CARMIL1: variants seen among roughly 807,000 people sequenced by gnomAD.
CARMIL1 encodes F-actin-uncapping protein LRRC16A.
In CARMIL1, 90 loss-of-function variants were observed where a neutral mutation model predicts 177.1. The observed-to-expected ratio is 0.51, with a 90% confidence interval of 0.43 to 0.61. CARMIL1 has a LOEUF of 0.61. Among genes scored for constraint, CARMIL1 ranks in the 20% least tolerant of loss-of-function variants. The pLI, the probability that CARMIL1 is intolerant of heterozygous loss-of-function variation, is 0.00. For missense variants in CARMIL1, 1,380 were observed against 1,667.0 expected, an observed-to-expected ratio of 0.83 and a Z score of 3.00; for synonymous variants, 577 against 606.2, an observed-to-expected ratio of 0.95 and a Z score of 0.71.
intron 1 of CARMIL1, among the ~76,000 whole-genome samples, chr6:25,281,673 T>G (rs1447943392): frequency 6.6e-6 from 1 of 152,176 alleles, no homozygotes; most frequent in Non-Finnish European, 1.5e-5. Flanking sequence ...AGTGGTCAAG[T>G]TAGGCTGGGA....
chr6:25,437,063 T>C (rs1797295047), intron 5 of CARMIL1, among the ~76,000 whole-genome samples: 1 of 152,176 alleles, frequency 6.6e-6, no homozygotes, highest in Admixed American at 6.5e-5. Context: ...GGGTTCGACA[T>C]CATCCTTAAA....
intron 23 of CARMIL1, among the ~76,000 whole-genome samples, chr6:25,524,515 C>G (rs2151087185): frequency 6.6e-6 from 1 of 152,232 alleles, no homozygotes; most frequent in Admixed American, 6.5e-5. Context: ...CATATAAAAC[C>G]TCACACTAAA....
chr6:25,601,560 T>C (rs1815403999), intron 33 of CARMIL1, among the ~76,000 whole-genome samples: 1 of 152,240 alleles, frequency 6.6e-6, no homozygotes, highest in African/African-American at 2.4e-5. Context: ...CTAAAAATTA[T>C]TCTCTTTTTA....
At chr6:25,302,047 A>C (rs928878128) in intron 2 of CARMIL1, among the ~76,000 whole-genome samples, 2 of 152,006 alleles carry the variant, frequency 1.3e-5, no homozygotes, top group Non-Finnish European at 2.9e-5. Context: ...AATCATTAAA[A>C]ATACATGGAA....
chr6:25,548,910 ATCTT>A (rs1809786945), intron 26 of CARMIL1, among the ~76,000 whole-genome samples: 1 of 152,184 alleles, frequency 6.6e-6, no homozygotes, highest in African/African-American at 2.4e-5. Flanking sequence ...TCTAAAGTCT[ATCTT>A]CACCTACAGA....
chr6:25,501,533 G>A (rs1280231108), intron 17 of CARMIL1, among the ~76,000 whole-genome samples: 1 of 152,180 alleles, frequency 6.6e-6, no homozygotes, highest in East Asian at 1.9e-4. Flanking sequence ...ACGCAGAAAA[G>A]TTGTTTGCTC....
intron 24 of CARMIL1, among the ~76,000 whole-genome samples, chr6:25,534,670 A>G (rs1436448545): frequency 6.6e-6 from 1 of 152,214 alleles, no homozygotes; most frequent in East Asian, 1.9e-4. Flanking sequence ...ACAGGGATTC[A>G]GCAGTGAAGA....
rs1397168212 is a variant in CARMIL1, at chr6:25,537,929, G to A, written c.2142G>A (p.Gln714=). 6.2e-7 allele frequency: 1 copy of A among 1,606,892 alleles called. No homozygotes were observed. The highest frequency in any genetic ancestry group is 1.7e-5 in the Admixed American group (1 of 59,058). ...GAAATTGTGGGGGAGACGCTATCCAGGAAGATTTAAAATCAGCAGAGCGGC... is the reference window on the plus strand; with the variant it reads ...GAAATTGTGGGGGAGACGCTATCCAAGAAGATTTAAAATCAGCAGAGCGGC... ...SLRNCGGDAI[Q]EDLKSAERLM... Residue 714 remains glutamine, a synonymous_variant, in exon 25 of 37, where the codon CAG becomes CAA. Coordinates refer to ENST00000329474, the MANE Select transcript of CARMIL1 (RefSeq NM_017640.6).
intron 36 of CARMIL1, among the ~76,000 whole-genome samples, chr6:25,611,997 C>A (rs1256558948): frequency 6.6e-6 from 1 of 152,214 alleles, no homozygotes. Flanking sequence ...CATCCTTCTC[C>A]CTCCCCAAGT....
At position 25,574,996 on chromosome 6, in the gene CARMIL1, G is replaced by T. The variant is rs75692998; in HGVS notation, c.2743-5928G>T. On this transcript the variant is annotated intron_variant, in intron 29 of 36. Coordinates refer to ENST00000329474, the MANE Select transcript of CARMIL1 (RefSeq NM_017640.6). ...GAGAGGTCACTGATTGGCACTGTTTGCCAGACACTGTGCTAAGCACTTGGC... is the reference window on the plus strand; with the variant it reads ...GAGAGGTCACTGATTGGCACTGTTTTCCAGACACTGTGCTAAGCACTTGGC... Among the ~76,000 whole-genome samples the T allele has an allele frequency of 8.6e-3, 1,315 of 152,304 alleles. 12 individuals are homozygous for T. The highest frequency in any genetic ancestry group is 0.011 in the Non-Finnish European group (765 of 68,022).
intron 29 of CARMIL1, among the ~76,000 whole-genome samples, chr6:25,560,540 T>C (rs1811017289): frequency 6.6e-6 from 1 of 152,174 alleles, no homozygotes; most frequent in Admixed American, 6.5e-5. Context: ...GTTAACCAGT[T>C]CAATCTTCAT....
In CARMIL1 at chr6:25,554,974, T is replaced by C. The variant is rs886301969; in HGVS notation, c.2592+878T>C. ...GAAAAATTCATTTGAGAAAAACGTG[T>C]AAGACTGTCTTCCAAAATCTGAAAG... On this transcript the variant is annotated intron_variant, in intron 28 of 36. Coordinates refer to ENST00000329474, the MANE Select transcript of CARMIL1 (RefSeq NM_017640.6). This position sits in a 1 kb window ranked among gnomAD's most constrained non-coding sequence, Gnocchi z 4.6. Among the ~76,000 whole-genome samples, 1 of 152,134 alleles carries C rather than the reference T, an allele frequency of 6.6e-6. No individual in the cohort carries two copies. The highest frequency in any genetic ancestry group is 6.6e-5 in the Admixed American group (1 of 15,258).
rs948079999 is a variant in CARMIL1 at position 25,472,414 on chromosome 6, T to C, written c.780-13T>C. ...ATTTTGTTATTTAATCTTATTGTTT[T>C]GTTTACACGCAGAGATTTTGCACAA... On this transcript the variant is annotated splice_polypyrimidine_tract_variant and intron_variant, in intron 10 of 36. Coordinates refer to ENST00000329474, the MANE Select transcript of CARMIL1 (RefSeq NM_017640.6). 1.3e-6 allele frequency: 2 copies of C among 1,529,830 alleles called. No individual in the cohort carries two copies. The highest frequency in any genetic ancestry group is 1.2e-5 in the South Asian group (1 of 83,726). 94.8% of individuals were successfully genotyped at this position (1,529,830 alleles called of 1,614,324 possible). A position where few individuals can be genotyped will look rare whatever the true frequency, so the allele number is the denominator to read the frequency against.
intron 2 of CARMIL1, among the ~76,000 whole-genome samples, chr6:25,299,978 CAAAA>C (rs201932888): frequency 3.1e-5 from 3 of 96,348 alleles, no homozygotes; most frequent in Non-Finnish European, 2.2e-5. Flanking sequence ...GACTCCACCT[CAAAA>C]AAAAAAAAAA....
At chr6:25,573,006 C>T (rs1812243810) in intron 29 of CARMIL1, among the ~76,000 whole-genome samples, 1 of 152,158 alleles carries the variant, frequency 6.6e-6, no homozygotes, top group Admixed American at 6.5e-5. Flanking sequence ...TTCATTCATT[C>T]AAACACACAC....
chr6:25,610,031 C>T lies in CARMIL1; in HGVS notation c.3848-19C>T, dbSNP rs367966529. On this transcript the variant is annotated intron_variant, in intron 35 of 36. Transcript: ENST00000329474. ...CCAGTTTGTGGAACAGTTTGATTCA[C>T]GTGTTTGTGTCTCCTTAGATGACAT... The T allele has an allele frequency of 9.3e-6, 15 of 1,607,890 alleles. No homozygotes were observed. Among genetic ancestry groups the T allele is most frequent in the Middle Eastern group, 3.3e-4 (2 of 6,044 alleles).
chr6:25,600,331 G>A lies in CARMIL1; in HGVS notation c.3137G>A (p.Gly1046Asp), dbSNP rs182293263. ...KMDSKKWSTR[G>D]SESHELNEGG... ...AAATGCAGGAAATGGTCAACAAGAGGCTCAGAGTCCCATGAGCTTAATGAA... is the reference window on the plus strand; with the variant it reads ...AAATGCAGGAAATGGTCAACAAGAGACTCAGAGTCCCATGAGCTTAATGAA... The change falls in exon 33 of 37, where the codon GGC becomes GAC. Residue 1046 changes from glycine to aspartate, a missense_variant. Gly to Asp is a moderately conservative substitution (Grantham distance 94). Coordinates refer to ENST00000329474, the MANE Select transcript of CARMIL1 (RefSeq NM_017640.6). 509 of 1,611,962 alleles carry A rather than the reference G, an allele frequency of 3.2e-4. No homozygotes were observed. The highest frequency in any genetic ancestry group is 4.2e-4 in the Non-Finnish European group (491 of 1,179,020).
At chr6:25,337,236 C>G (rs962653373) in intron 2 of CARMIL1, among the ~76,000 whole-genome samples, 2 of 152,176 alleles carry the variant, frequency 1.3e-5, no homozygotes, top group African/African-American at 4.8e-5. Context: ...CAAATCAGCC[C>G]TGTATCTGTT....
intron 5 of CARMIL1, among the ~76,000 whole-genome samples, chr6:25,436,175 G>T (rs1258473717): frequency 6.6e-6 from 1 of 152,114 alleles, no homozygotes; most frequent in African/African-American, 2.4e-5. Flanking sequence ...TTATGGGCTT[G>T]GATACCTGAG....
Sources: allele counts gnomAD v4.1 joint callset (sites outside exome capture counted in the v4.1 genomes callset), GRCh38; gene constraint gnomAD v4.1.1; non-coding constraint Gnocchi (gnomAD v3.1); transcripts MANE v1.5; gene names NCBI Gene and HGNC (gene_info 2026-07-23, HGNC 2026-07-21).